The following SPEN variants were observed in gnomAD, a reference collection of about 807,000 sequenced individuals.
SPEN encodes spen family transcriptional repressor.
Under a neutral mutation model 269.9 loss-of-function variants are expected in SPEN, and 18 were observed. That is an observed-to-expected ratio of 0.07 (90% confidence interval 0.05 to 0.10). The LOEUF is 0.10. SPEN is among the 10% of genes least tolerant of loss of function. The pLI is 1.00. For synonymous variants in SPEN, 1,726 were observed against 1,765.7 expected (o/e 0.98, Z 0.56); for missense variants, 3,822 against 4,631.2 (o/e 0.83, Z 5.07).
At chr1:15,874,459 T>C (rs985565100) in intron 2 of SPEN, 3 of 1,216,074 alleles carry the variant, frequency 2.5e-6, no homozygotes, top group East Asian at 4.7e-5. Context: ...TCTCTTTTTT[T>C]CCCCACTAAC....
At chr1:15,927,060 TGA>T (rs1459310060) in intron 10 of SPEN, among the ~76,000 whole-genome samples, 2 of 152,228 alleles carry the variant, frequency 1.3e-5, no homozygotes, top group African/African-American at 4.8e-5. Flanking sequence ...TGTATCTACA[TGA>T]GAGAACAAAC....
Position 15,935,150 on chromosome 1 carries a change from C to A in SPEN, c.8910C>A (p.Thr2970=). ...LADPVTLKIE[T]KVLQPANLGS... Reference sequence around the variant, plus strand: ...ACCCCGTCACCCTTAAAATCGAGACCAAGGTCCTTCAGCCGGCCAACCTGG... The same window carrying A: ...ACCCCGTCACCCTTAAAATCGAGACAAAGGTCCTTCAGCCGGCCAACCTGG... Residue 2970 remains threonine (T), a synonymous_variant, in exon 11 of 15, where the codon ACC becomes ACA. Coordinates refer to ENST00000375759, the MANE Select transcript of SPEN (RefSeq NM_015001.3). The surrounding 1 kb of genome is among the most constrained non-coding windows in gnomAD (Gnocchi z 7.7). 1 of 1,614,030 alleles carries A rather than the reference C, an allele frequency of 6.2e-7. No homozygotes were observed. Among genetic ancestry groups the A allele is most frequent in the Non-Finnish European group, 8.5e-7 (1 of 1,179,980 alleles).
At chr1:15,873,654 A>G (rs1306839518) in intron 2 of SPEN, 3 of 996,542 alleles carry the variant, frequency 3.0e-6, no homozygotes, top group Admixed American at 1.1e-4. Context: ...GGATTCTACA[A>G]ACAATACTTT....
At position 15,909,463 on chromosome 1, in the gene SPEN, C is replaced by T. The variant is rs2148728391; in HGVS notation, c.1024C>T (p.Leu342Phe). ...AAGTTTTGGCATCAAGGTCCAGAAT[C>T]TTCCAGTACGCTCTACAGGTAAAAT... ...RKSFGIKVQN[L>F]PVRSTDTSLK... The change falls in exon 4 of 15, where the codon CTT becomes TTT. Residue 342 changes from leucine (L) to phenylalanine (F), a missense_variant. Transcript: ENST00000375759. 6.2e-7 allele frequency: 1 copy of T among 1,614,148 alleles called. No homozygotes were observed. The highest frequency in any genetic ancestry group is 8.5e-7 in the Non-Finnish European group (1 of 1,180,014).
rs750127658 is a variant in SPEN at position 15,932,151 on chromosome 1, C to A, written c.5911C>A (p.Pro1971Thr). The change falls in exon 11 of 15, where the codon CCT becomes ACT. Residue 1971 changes from proline (P) to threonine (T), a missense_variant. By Grantham distance (38) the Pro-to-Thr change is conservative. Around this residue, in one of 16 missense-constraint regions of SPEN, gnomAD observed 533 missense variants for 618.8 expected, o/e 0.86. Transcript: ENST00000375759. The surrounding 1 kb of genome is among the most constrained non-coding windows in gnomAD (Gnocchi z 4.2). ...AGAGGAGGAGAACGAGGCCAAGGAACCTGCAGAAACACTCAAGCCACCTGA... is the reference window on the plus strand; with the variant it reads ...AGAGGAGGAGAACGAGGCCAAGGAAACTGCAGAAACACTCAAGCCACCTGA... ...DEEEENEAKE[P>T]AETLKPPEGW... 2 of 1,612,786 alleles carry A rather than the reference C, an allele frequency of 1.2e-6. No individual in the cohort carries two copies. The highest frequency in any genetic ancestry group is 1.7e-6 in the Non-Finnish European group (2 of 1,179,440).
chr1:15,861,461 T>C (rs2070448094), intron 1 of SPEN, among the ~76,000 whole-genome samples: 1 of 152,116 alleles, frequency 6.6e-6, no homozygotes, highest in African/African-American at 2.4e-5. Context: ...AGGATAAAAG[T>C]CACTAGTTAA....
chr1:15,916,580 G>C (rs559568555), intron 6 of SPEN, among the ~76,000 whole-genome samples: 2 of 141,722 alleles, frequency 1.4e-5, no homozygotes, highest in Non-Finnish European at 3.0e-5. Flanking sequence ...TCATGATCAC[G>C]ACTCACTGCA....
intron 2 of SPEN, chr1:15,874,234 AT>A (rs761626223): frequency 3.0e-5 from 40 of 1,338,842 alleles, no homozygotes; most frequent in Non-Finnish European, 1.7e-5. Context: ...GGTCACTAAG[AT>A]TTTTTTTTTC....
At chr1:15,897,123 T>C (rs1028757722) in intron 3 of SPEN, among the ~76,000 whole-genome samples, 3 of 152,246 alleles carry the variant, frequency 2.0e-5, no homozygotes, top group Admixed American at 6.5e-5. Context: ...GAAATCTTTG[T>C]AGTTTCTGAT....
intron 3 of SPEN, among the ~76,000 whole-genome samples, chr1:15,888,446 C>T (rs2070756693): frequency 6.6e-6 from 1 of 151,802 alleles, no homozygotes; most frequent in Non-Finnish European, 1.5e-5. Context: ...GCCTTAGCCT[C>T]CCTAGTAGCT....
chr1:15,937,691 C>T lies in SPEN; in HGVS notation c.10509+46C>T, dbSNP rs2071290273. The T allele has an allele frequency of 6.2e-7, 1 of 1,606,198 alleles. No homozygotes were observed. The highest frequency in any genetic ancestry group is 8.5e-7 in the Non-Finnish European group (1 of 1,174,724). On this transcript the variant is annotated intron_variant, in intron 12 of 14. Transcript: ENST00000375759. The surrounding 1 kb of genome is among the most constrained non-coding windows in gnomAD (Gnocchi z 5.7). ...CCCTTCCTGGCCCCCAAGTTTTATG[C>T]CATGTCAAATGTCCTAAGATTCCCT... is the stretch of plus-strand genomic sequence containing the variant.
intron 4 of SPEN, among the ~76,000 whole-genome samples, chr1:15,910,124 TAAAA>T (rs57198076): frequency 7.6e-5 from 5 of 65,702 alleles, no homozygotes; most frequent in African/African-American, 1.1e-4. Context: ...ACTCTGTCTC[TAAAA>T]AAAAAAAAAA....
At chr1:15,867,118 CCCACAT>C (rs2070522905) in intron 1 of SPEN, among the ~76,000 whole-genome samples, 2 of 152,080 alleles carry the variant, frequency 1.3e-5, no homozygotes, top group South Asian at 2.1e-4. Context: ...CAGAATGAAA[CCCACAT>C]CCATTAGCAG....
chr1:15,935,399 C>T lies in SPEN; in HGVS notation c.9159C>T (p.Asn3053=), dbSNP rs753548343. The T allele has an allele frequency of 1.4e-5, 22 of 1,614,028 alleles. No homozygotes were observed. The Admixed American group carries it at 1.8e-4, about 13-fold the overall frequency. ...CTGCATCTACGGCGCTCTCCACCAA[C>T]GCCACAGTCATGCTGGCTGCAGGCA... The part of the protein sequence containing the change: ...SSTASTALST[N]ATVMLAAGIP... The change falls in exon 11 of 15, where the codon AAC becomes AAT. Residue 3053 remains asparagine (N), a synonymous_variant. Transcript: ENST00000375759. The surrounding 1 kb of genome is among the most constrained non-coding windows in gnomAD (Gnocchi z 7.7).
intron 3 of SPEN, among the ~76,000 whole-genome samples, chr1:15,884,347 G>A (rs1473065264): frequency 6.6e-6 from 1 of 152,090 alleles, no homozygotes; most frequent in Non-Finnish European, 1.5e-5. Context: ...CTTTTCTTGA[G>A]GAGATTTTGC....
intron 3 of SPEN, among the ~76,000 whole-genome samples, chr1:15,895,189 T>C (rs2070829149): frequency 6.6e-6 from 1 of 152,238 alleles, no homozygotes; most frequent in Admixed American, 6.5e-5. Flanking sequence ...CCCAAAGTGC[T>C]GGGATTACAG....
chr1:15,864,167 CTTTTTTTT>C lies in SPEN; in HGVS notation c.84-8637_84-8630del, dbSNP rs71003211. The stretch of plus-strand genomic sequence containing the variant: ...AAGACAGCAAGTAGAATAGTGGTTG[CTTTTTTTT>C]TTTTTTTTTTTGAAACAATGTCTCA... On this transcript the variant is annotated intron_variant, in intron 1 of 14. Transcript: ENST00000375759. Among the ~76,000 whole-genome samples, 141 of 148,708 alleles carry C rather than the reference CTTTTTTTT, an allele frequency of 9.5e-4. 1 individual carries two copies. The highest frequency in any genetic ancestry group is 1.3e-3 in the Non-Finnish European group (85 of 67,180).
intron 1 of SPEN, among the ~76,000 whole-genome samples, chr1:15,861,258 A>G (rs1453791866): frequency 6.6e-6 from 1 of 151,324 alleles, no homozygotes; most frequent in African/African-American, 2.4e-5. Flanking sequence ...CAGCCTCCCA[A>G]GTACCTAGGA....
At position 15,928,355 on chromosome 1, in the gene SPEN, A is replaced by T; in HGVS notation, c.2115A>T (p.Glu705Asp). The part of the protein sequence containing the change: ...YSYRQRERER[E>D]RERFESDRDR... Reference sequence around the variant, plus strand: ...ACAGGCAAAGGGAACGAGAAAGAGAACGTGAAAGATTTGAGTCTGACCGGG... The same window carrying T: ...ACAGGCAAAGGGAACGAGAAAGAGATCGTGAAAGATTTGAGTCTGACCGGG... The change falls in exon 11 of 15, where the codon GAA becomes GAT. Residue 705 changes from glutamate (E) to aspartate (D), a missense_variant. This residue lies in a region of SPEN where 572 missense variants were observed against 582.6 expected (regional missense o/e 0.98). Transcript: ENST00000375759. The surrounding 1 kb of genome is among the most constrained non-coding windows in gnomAD (Gnocchi z 5.7). The T allele has an allele frequency of 6.2e-7, 1 of 1,614,192 alleles. No homozygotes were observed. Among genetic ancestry groups the T allele is most frequent in the Non-Finnish European group, 8.5e-7 (1 of 1,180,022 alleles).
Sources: gnomAD v4.1 joint callset for allele counts (sites outside exome capture counted in the v4.1 genomes callset) on GRCh38, gnomAD v4.1.1 for gene constraint, gnomAD v4.1.1 regional missense constraint, Gnocchi (gnomAD v3.1) non-coding constraint, MANE v1.5 for transcripts, NCBI Gene and HGNC (gene_info 2026-07-23, HGNC 2026-07-21) for gene names.